The following TTC1 variants were observed in gnomAD, a reference collection of about 807,000 sequenced individuals.
TTC1 encodes tetratricopeptide repeat domain 1.
In TTC1, 31 loss-of-function variants were observed where a neutral mutation model predicts 37.6. That is an observed-to-expected ratio of 0.82 (90% CI 0.62 to 1.11). The LOEUF (loss-of-function observed/expected upper bound fraction) is 1.11, where lower values mean the gene tolerates loss of function less well. Ranked by LOEUF, TTC1 falls within the 50% of genes most tolerant of loss-of-function variation. TTC1 has a pLI of 0.00. For missense variants in TTC1, 351 were observed against 339.0 expected (o/e 1.04, Z -0.28); for synonymous variants, 127 against 122.4 (o/e 1.04, Z -0.25).
intron 5 of TTC1, among the ~76,000 whole-genome samples, chr5:160,044,581 A>T (rs1044870426): frequency 6.6e-6 from 1 of 152,030 alleles, no homozygotes; most frequent in Admixed American, 6.6e-5. Context: ...GCTGGTGGGG[A>T]TGTCTTTTAG....
chr5:160,034,712 A>C (rs1756972759), intron 2 of TTC1, among the ~76,000 whole-genome samples: 1 of 152,258 alleles, frequency 6.6e-6, no homozygotes, highest in South Asian at 2.1e-4. Context: ...AAATGAAGAA[A>C]CTAAGGCTCA....
At position 160,010,829 on chromosome 5, in the gene TTC1, G is replaced by A. The variant is rs17849377; in HGVS notation, c.301G>A (p.Glu101Lys). The A allele has an allele frequency of 6.2e-7, 1 of 1,610,410 alleles. No homozygotes were observed. The change falls in exon 2 of 8, where the codon GAA (glutamate) becomes AAA (lysine). Residue 101 changes from glutamate to lysine, a missense_variant. By Grantham distance (56) the Glu-to-Lys change is moderately conservative (BLOSUM62 1). Transcript: ENST00000231238. The part of the protein sequence containing the change: ...ELDEEYLIEL[E>K]KNMSDEEKQK... ...AGATGAAGAATACCTAATAGAACTG[G>A]AAAAAAACATGTCGGATGAAGAGAA... is the stretch of plus-strand genomic sequence containing the variant.
At chr5:160,042,666 G>A (rs1757119790) in intron 4 of TTC1, among the ~76,000 whole-genome samples, 1 of 152,164 alleles carries the variant, frequency 6.6e-6, no homozygotes, top group East Asian at 1.9e-4. Context: ...GTTTATAACT[G>A]AGACTACATG....
At chr5:160,039,903 A>G (rs1757057586) in intron 4 of TTC1, among the ~76,000 whole-genome samples, 1 of 152,166 alleles carries the variant, frequency 6.6e-6, no homozygotes, top group African/African-American at 2.4e-5. Context: ...TGTTTTGTTT[A>G]TTGTGGTAAA....
At chr5:160,018,702 G>A (rs1292236576) in intron 2 of TTC1, among the ~76,000 whole-genome samples, 1 of 152,196 alleles carries the variant, frequency 6.6e-6, no homozygotes, top group Admixed American at 6.5e-5. Context: ...GGGAGAGACG[G>A]AAGTTATTTA....
chr5:160,034,096 T>G (rs1392095275), intron 2 of TTC1, among the ~76,000 whole-genome samples: 1 of 151,460 alleles, frequency 6.6e-6, no homozygotes, highest in Non-Finnish European at 1.5e-5. Context: ...CACTGCACTC[T>G]AGCCTGGACA....
At chr5:160,042,962 T>G (rs950042242) in intron 4 of TTC1, among the ~76,000 whole-genome samples, 171 bp from the exon 5 acceptor site, 2 of 152,166 alleles carry the variant, frequency 1.3e-5, no homozygotes, top group Non-Finnish European at 2.9e-5. Context: ...CCCATCCCCG[T>G]GTTAATTTTG....
At position 160,010,919 on chromosome 5, in the gene TTC1, A is replaced by T. The variant is rs1216495905; in HGVS notation, c.330+61A>T. The T allele has an allele frequency of 2.7e-6, 4 of 1,455,862 alleles. No homozygotes were observed. In the East Asian group the frequency reaches 9.1e-5, roughly 33 times the overall value. The allele number at this position is 1,455,862 out of a possible 1,614,324, so 90.2% of individuals were successfully genotyped here. A position where few individuals can be genotyped will look rare whatever the true frequency, so the allele number is the denominator to read the frequency against. ...TACACTGCATTTTAAAATGTGGTCG[A>T]TACTGTATCATAGACCACCTCATCT... is the stretch of plus-strand genomic sequence containing the variant. On this transcript the variant is annotated intron_variant, in intron 2 of 7. Transcript: ENST00000231238.
intron 2 of TTC1, chr5:160,024,009 G>A: frequency 6.8e-7 from 1 of 1,480,646 alleles, no homozygotes; most frequent in South Asian, 1.1e-5. Flanking sequence ...TTTGCAAAGT[G>A]GCCTTTACAG....
chr5:160,014,034 G>A (rs541033128), intron 2 of TTC1, among the ~76,000 whole-genome samples: 5 of 152,174 alleles, frequency 3.3e-5, no homozygotes, highest in South Asian at 2.1e-4. Context: ...TGGCTATTAC[G>A]GCTGAGGAAC....
At chr5:160,053,574 G>A (rs868737818) in intron 7 of TTC1, among the ~76,000 whole-genome samples, 23 of 152,108 alleles carry the variant, frequency 1.5e-4, no homozygotes, top group Non-Finnish European at 2.9e-4. Flanking sequence ...TAAAAAAAAA[G>A]AAAATTATAA....
intron 7 of TTC1, among the ~76,000 whole-genome samples, chr5:160,062,394 T>C (rs1753443158): frequency 6.6e-6 from 1 of 152,052 alleles, no homozygotes; most frequent in African/African-American, 2.4e-5. Flanking sequence ...CCTATTCCCA[T>C]CCCCCGGAGC....
rs1392098819 is a variant in TTC1, at chr5:160,065,182, A to G, written c.*117A>G. ...AAGCATCTTATCTAAAAGAAAGGCT[A>G]TCCAGTAGAGCCCAGTGCTCCCTTG... On this transcript the variant is annotated 3_prime_UTR_variant, in exon 8 of 8. Coordinates refer to ENST00000231238, the MANE Select transcript of TTC1 (RefSeq NM_003314.3). 1 of 1,408,216 alleles carries G rather than the reference A, an allele frequency of 7.1e-7. No individual in the cohort carries two copies. The allele number at this position is 1,408,216 out of a possible 1,614,324, so 87.2% of individuals were successfully genotyped here.
intron 2 of TTC1, among the ~76,000 whole-genome samples, chr5:160,033,973 C>A (rs1169830179): frequency 6.6e-6 from 1 of 152,122 alleles, no homozygotes; most frequent in Non-Finnish European, 1.5e-5. Flanking sequence ...GGAAAGAGCC[C>A]AGCACAGTGG....
chr5:160,050,782 C>T (rs1057126077), intron 6 of TTC1, among the ~76,000 whole-genome samples: 2 of 151,900 alleles, frequency 1.3e-5, no homozygotes, highest in Non-Finnish European at 2.9e-5. Flanking sequence ...CATGCCAACA[C>T]ACCCAGCTAA....
chr5:160,035,154 G>A lies in TTC1; in HGVS notation c.345G>A (p.Glu115=). The change falls in exon 3 of 8, where the codon GAG becomes GAA. Residue 115 remains glutamate (E), a synonymous_variant. Coordinates refer to ENST00000231238, the MANE Select transcript of TTC1 (RefSeq NM_003314.3). ...SDEEKQKRRE[E]STRLKEEGNE... is the part of the protein sequence containing the mutation. ...ATGTCTTTCAGAAAAGAAGAGAAGA[G>A]AGCACTAGACTAAAGGAGGAGGGAA... The A allele has an allele frequency of 6.2e-7, 1 of 1,601,634 alleles. No individual in the cohort carries two copies. The highest frequency in any genetic ancestry group is 8.5e-7 in the Non-Finnish European group (1 of 1,175,392).
At chr5:160,058,862 G>T (rs550189652) in intron 7 of TTC1, among the ~76,000 whole-genome samples, 32 of 152,320 alleles carry the variant, frequency 2.1e-4, no homozygotes, top group African/African-American at 6.7e-4. Context: ...CACATTGTCA[G>T]TGAGCAGCAA....
Position 160,010,598 on chromosome 5 carries a change from C to T in TTC1, c.70C>T (p.Gln24Ter), listed in dbSNP as rs1756483407. The change falls in exon 2 of 8, where the codon CAG becomes TAG. Residue 24 changes from glutamine (Q) to a stop codon, truncating the protein, a stop_gained. Coordinates refer to ENST00000231238, the MANE Select transcript of TTC1 (RefSeq NM_003314.3). LOFTEE classifies it high-confidence loss of function. ...LLNGLKVTDT[Q>*]EAECAGPPVP... ...AAATGGTTTGAAGGTTACAGATACT[C>T]AGGAAGCCGAGTGTGCTGGCCCTCC... is the stretch of plus-strand genomic sequence containing the variant. 1.9e-6 allele frequency: 3 copies of T among 1,613,992 alleles called. No individual in the cohort carries two copies. The highest frequency in any genetic ancestry group is 2.5e-6 in the Non-Finnish European group (3 of 1,180,038).
chr5:160,046,373 T>G (rs541757552), intron 5 of TTC1, among the ~76,000 whole-genome samples: 20 of 152,334 alleles, frequency 1.3e-4, no homozygotes, highest in Non-Finnish European at 2.8e-4. Context: ...ATGAACTCTA[T>G]TCATTTTTTC....
Sources: allele counts gnomAD v4.1 joint callset (sites outside exome capture counted in the v4.1 genomes callset), GRCh38; gene constraint gnomAD v4.1.1; transcripts MANE v1.5; gene names NCBI Gene and HGNC (gene_info 2026-07-23, HGNC 2026-07-21).